SNX29: variants seen among roughly 807,000 people sequenced by gnomAD.
SNX29 encodes sorting nexin 29, also known as sorting nexin-29.
SNX29 carries 78 observed loss-of-function variants against 102.1 expected under a neutral mutation model. That is an observed-to-expected ratio of 0.76 (90% CI 0.64 to 0.92). The LOEUF is 0.92. Among genes scored for constraint, SNX29 ranks in the 40% least tolerant of loss-of-function variants. The pLI is 0.00. For missense variants in SNX29, 1,280 were observed against 1,061.7 expected, an observed-to-expected ratio of 1.21 and a Z score of -2.86; for synonymous variants, 580 against 414.5, an observed-to-expected ratio of 1.40 and a Z score of -4.85.
chr16:12,472,408 A>G (rs1240767631), intron 18 of SNX29, among the ~76,000 whole-genome samples: 1 of 151,924 alleles, frequency 6.6e-6, no homozygotes, highest in Non-Finnish European at 1.5e-5. Context: ...AATCCCAGCT[A>G]CTCAGGAAGC....
chr16:12,540,572 G>A (rs908224236), intron 20 of SNX29, among the ~76,000 whole-genome samples: 3 of 152,262 alleles, frequency 2.0e-5, no homozygotes, highest in African/African-American at 4.8e-5. Context: ...CCCCTTCTTT[G>A]CTTCCCAGCA....
chr16:12,108,776 C>T (rs2053375393), intron 11 of SNX29, among the ~76,000 whole-genome samples: 1 of 152,146 alleles, frequency 6.6e-6, no homozygotes, highest in African/African-American at 2.4e-5. Context: ...ACACACGAAG[C>T]TGTCCCTGTC....
At chr16:11,978,795 C>A (rs769426893) in intron 1 of SNX29, among the ~76,000 whole-genome samples, 1 of 152,032 alleles carries the variant, frequency 6.6e-6, no homozygotes. Context: ...TCTGGTGGCA[C>A]GCGCCTGTAA....
chr16:12,525,255 A>G (rs2076746864), intron 20 of SNX29, among the ~76,000 whole-genome samples: 1 of 152,136 alleles, frequency 6.6e-6, no homozygotes, highest in African/African-American at 2.4e-5. Flanking sequence ...ATTGACTTAA[A>G]TTATTTTTAT....
chr16:12,553,902 G>C (rs1028696166), intron 20 of SNX29, among the ~76,000 whole-genome samples: 1 of 151,650 alleles, frequency 6.6e-6, no homozygotes, highest in South Asian at 2.1e-4. Context: ...GGAGTGCAGT[G>C]GCATGATCTC....
intron 14 of SNX29, among the ~76,000 whole-genome samples, chr16:12,264,767 C>T (rs1302791707): frequency 5.3e-5 from 6 of 113,920 alleles, no homozygotes; most frequent in African/African-American, 1.9e-4. Context: ...GACTCTGTTT[C>T]AAAAAAAAAA....
chr16:12,449,543 C>T (rs1314713526), intron 18 of SNX29, among the ~76,000 whole-genome samples: 1 of 152,122 alleles, frequency 6.6e-6, no homozygotes, highest in Non-Finnish European at 1.5e-5. Flanking sequence ...CTCTGTAAGT[C>T]AGTAGTCTTG....
intron 14 of SNX29, among the ~76,000 whole-genome samples, chr16:12,226,489 G>C (rs2077613300): frequency 6.6e-6 from 1 of 152,136 alleles, no homozygotes; most frequent in South Asian, 2.1e-4. Flanking sequence ...AGCTGAAGGG[G>C]TCTGCATGGA....
In SNX29 at chr16:12,075,788, G is replaced by A. The variant is rs543531080; in HGVS notation, c.1320-3045G>A. 1.1e-4 allele frequency among the ~76,000 whole-genome samples: 17 copies of A among 152,376 alleles called. No individual in the cohort carries two copies. In the South Asian group the frequency reaches 3.3e-3, roughly 30 times the overall value. The stretch of plus-strand genomic sequence containing the variant: ...CCAGAGGTGGAGCCTACAGAGGCAG[G>A]CAGGCCTCCTTGAGCTGTGGTGAGC... On this transcript the variant is annotated intron_variant, in intron 10 of 20. Transcript: ENST00000566228.
intron 20 of SNX29, among the ~76,000 whole-genome samples, chr16:12,525,521 A>C (rs2076755708): frequency 6.6e-6 from 1 of 151,810 alleles, no homozygotes; most frequent in Admixed American, 6.6e-5. Flanking sequence ...AAAAATACAA[A>C]AATTAGCCAG....
rs761999385 is a variant in SNX29 at position 12,572,337 on chromosome 16, C to T, written c.*3708C>T. On this transcript the variant is annotated 3_prime_UTR_variant, in exon 21 of 21. Coordinates refer to ENST00000566228, the MANE Select transcript of SNX29 (RefSeq NM_032167.5). The stretch of plus-strand genomic sequence containing the variant: ...GGAAACAGGAGTGAAGCCCACCAGC[C>T]TGCCTGGTTGATGGACAGCAGGCTC... 4 of 1,063,362 alleles carry T rather than the reference C, an allele frequency of 3.8e-6. No individual in the cohort carries two copies. The highest frequency in any genetic ancestry group is 4.5e-5 in the South Asian group (1 of 21,986). The allele number at this position is 1,063,362 out of a possible 1,614,324, so 65.9% of individuals were successfully genotyped here.
chr16:12,530,103 C>T (rs1322562152), intron 20 of SNX29, among the ~76,000 whole-genome samples: 1 of 152,236 alleles, frequency 6.6e-6, no homozygotes, highest in East Asian at 1.9e-4. Flanking sequence ...CCTTGGCCTG[C>T]TCTGCTGACT....
intron 20 of SNX29, among the ~76,000 whole-genome samples, chr16:12,536,927 G>C (rs1015388425): frequency 2.0e-5 from 3 of 152,160 alleles, no homozygotes; most frequent in Non-Finnish European, 2.9e-5. Flanking sequence ...AGTGAGCCGA[G>C]ATCACAGCAC....
chr16:12,023,662 T>C (rs2057098935), intron 3 of SNX29, among the ~76,000 whole-genome samples: 1 of 152,134 alleles, frequency 6.6e-6, no homozygotes, highest in African/African-American at 2.4e-5. Flanking sequence ...AATTATCATC[T>C]ACTGCTTCCC....
intron 15 of SNX29, among the ~76,000 whole-genome samples, chr16:12,279,110 G>C (rs896876091): frequency 6.6e-6 from 1 of 152,176 alleles, no homozygotes. Flanking sequence ...TGTAAGTCAT[G>C]TCTGTATGTA....
intron 20 of SNX29, among the ~76,000 whole-genome samples, chr16:12,564,318 G>A (rs560309189): frequency 4.6e-5 from 7 of 152,296 alleles, no homozygotes; most frequent in African/African-American, 1.7e-4. Context: ...CTTCACTAGT[G>A]TCTCTTACCT....
At chr16:12,277,797 A>AGTGT (rs531214290) in intron 14 of SNX29, 136 bp from the exon 15 acceptor site, 1 of 651,756 alleles carries the variant, frequency 1.5e-6, no homozygotes, top group South Asian at 1.9e-5. Flanking sequence ...GTAGTTAGTA[A>AGTGT]GTGTGTGTGT....
intron 13 of SNX29, among the ~76,000 whole-genome samples, chr16:12,159,409 G>T (rs1033017210): frequency 4.6e-5 from 7 of 152,234 alleles, no homozygotes; most frequent in African/African-American, 1.7e-4. Context: ...AACTCTCGCT[G>T]TTCTGTTTCT....
intron 4 of SNX29, among the ~76,000 whole-genome samples, chr16:12,040,197 C>A (rs1307109845): frequency 6.6e-6 from 1 of 151,984 alleles, no homozygotes; most frequent in Admixed American, 6.6e-5. Context: ...CATAGCAGAA[C>A]CTCATCTCTA....
Sources: gnomAD v4.1 joint callset for allele counts (sites outside exome capture counted in the v4.1 genomes callset) on GRCh38, gnomAD v4.1.1 for gene constraint, MANE v1.5 for transcripts, NCBI Gene and HGNC (gene_info 2026-07-23, HGNC 2026-07-21) for gene names.